Variants in EMC8 observed in about 807,000 individuals in gnomAD.
EMC8 encodes the protein ER membrane protein complex subunit 8.
A neutral mutation model predicts 24.3 loss-of-function variants in EMC8; 11 were observed. That is an observed-to-expected ratio of 0.45 (90% CI 0.28 to 0.75). The LOEUF is 0.75. Among genes scored for constraint, EMC8 ranks in the 30% least tolerant of loss-of-function variants. The pLI is 0.12. For synonymous variants in EMC8, 145 were observed against 117.7 expected (o/e 1.23, Z -1.50); for missense variants, 277 against 282.7 (o/e 0.98, Z 0.14).
intron 1 of EMC8, among the ~76,000 whole-genome samples, chr16:85,789,459 T>C (rs551569050): frequency 6.6e-6 from 1 of 152,272 alleles, no homozygotes; most frequent in Non-Finnish European, 1.5e-5. Context: ...CACAACCAGA[T>C]AGAAACAGAG....
At position 85,781,290 on chromosome 16, in the gene EMC8, A is replaced by T; in HGVS notation, c.309-10T>A. ...TGCAACCTGGTTTGGACTGTCAAAGAAATAGGCTACCACATTCCAGTTAAT... is the reference window on the plus strand; with the variant it reads ...TGCAACCTGGTTTGGACTGTCAAAGTAATAGGCTACCACATTCCAGTTAAT... On this transcript the variant is annotated splice_polypyrimidine_tract_variant and intron_variant, in intron 2 of 4. Transcript: ENST00000253457. 2.1e-6 allele frequency: 3 copies of T among 1,436,330 alleles called. No homozygotes were observed. Among genetic ancestry groups the T allele is most frequent in the Non-Finnish European group, 1.8e-6 (2 of 1,088,060 alleles). The allele number at this position is 1,436,330 out of a possible 1,614,324, so 89.0% of individuals were successfully genotyped here.
At chr16:85,786,108 G>A (rs1337819949) in intron 2 of EMC8, among the ~76,000 whole-genome samples, 1 of 152,118 alleles carries the variant, frequency 6.6e-6, no homozygotes, top group African/African-American at 2.4e-5. Context: ...CAAGCACAAG[G>A]ACAAACACAC....
At chr16:85,798,963 C>A in intron 1 of EMC8, 102 bp downstream of exon 1, 1 of 803,496 alleles carries the variant, frequency 1.2e-6, no homozygotes, top group East Asian at 2.7e-5. Flanking sequence ...GGGAGCGGGT[C>A]CTAGGAGCCT....
intron 3 of EMC8, 69 bp from the exon 4 acceptor site, chr16:85,780,542 CG>C: frequency 8.7e-7 from 1 of 1,153,928 alleles, no homozygotes; most frequent in Non-Finnish European, 1.3e-6. Flanking sequence ...GGCGCCTCCT[CG>C]GGGCTCTCCC....
At chr16:85,787,871 A>T (rs1055680338) in intron 2 of EMC8, among the ~76,000 whole-genome samples, 1 of 152,206 alleles carries the variant, frequency 6.6e-6, no homozygotes, top group Non-Finnish European at 1.5e-5. Flanking sequence ...TTAGGATACC[A>T]TGTTTCTCAT....
rs980136725 is a variant in EMC8, at chr16:85,779,113, C to T, written c.*595G>A. 3 of 152,324 alleles carry T rather than the reference C, an allele frequency of 2.0e-5. No homozygotes were observed. Among genetic ancestry groups the T allele is most frequent in the Non-Finnish European group, 2.9e-5 (2 of 68,158 alleles). 9.4% of individuals were successfully genotyped at this position (152,324 alleles called of 1,614,324 possible). On this transcript the variant is annotated 3_prime_UTR_variant, in exon 5 of 5. Coordinates refer to ENST00000253457, the MANE Select transcript of EMC8 (RefSeq NM_006067.5). ...TCTGTGGCATCAGTGGTGTCACTCCCGCTGGGCAGAGTTGCGGTGGCTCTG... is the reference window on the plus strand; with the variant it reads ...TCTGTGGCATCAGTGGTGTCACTCCTGCTGGGCAGAGTTGCGGTGGCTCTG...
At chr16:85,797,948 T>G (rs1490443971) in intron 1 of EMC8, among the ~76,000 whole-genome samples, 1 of 152,142 alleles carries the variant, frequency 6.6e-6, no homozygotes, top group Non-Finnish European at 1.5e-5. Flanking sequence ...CCTTCATTGA[T>G]CACCGGAACT....
intron 2 of EMC8, chr16:85,784,275 G>C (rs1004510017): frequency 1.3e-5 from 2 of 152,206 alleles, no homozygotes; most frequent in African/African-American, 4.8e-5. Context: ...TGGGAATATA[G>C]GCGTGAGCCA....
chr16:85,792,931 C>T (rs1905080130), intron 1 of EMC8: 1 of 152,200 alleles, frequency 6.6e-6, no homozygotes. Flanking sequence ...CAGGAGAAAA[C>T]TCTGTGGAGA....
chr16:85,785,078 C>G (rs142626066), intron 2 of EMC8: 2 of 152,424 alleles, frequency 1.3e-5, no homozygotes, highest in African/African-American at 2.4e-5. Context: ...TCCCTTGTAG[C>G]TGGGACCACA....
chr16:85,780,851 G>A, intron 3 of EMC8: 1 of 439,226 alleles, frequency 2.3e-6, no homozygotes, highest in Non-Finnish European at 4.2e-6. Context: ...CTCACACTTG[G>A]CATGTTCAGA....
intron 2 of EMC8, among the ~76,000 whole-genome samples, chr16:85,785,374 A>C (rs571676313): frequency 3.9e-5 from 6 of 152,280 alleles, no homozygotes; most frequent in Admixed American, 1.3e-4. Context: ...GTTCGAGACC[A>C]GCCTGGCCAA....
At chr16:85,797,395 C>T (rs112787548) in intron 1 of EMC8, among the ~76,000 whole-genome samples, 1 of 151,946 alleles carries the variant, frequency 6.6e-6, no homozygotes, top group East Asian at 1.9e-4. Context: ...GTGACAAGAG[C>T]GAAACTCCAT....
At chr16:85,793,878 A>G (rs1267746893) in intron 1 of EMC8, among the ~76,000 whole-genome samples, 1 of 152,244 alleles carries the variant, frequency 6.6e-6, no homozygotes, top group African/African-American at 2.4e-5. Context: ...AAAGGGTTAT[A>G]AGGATAAATA....
intron 2 of EMC8, among the ~76,000 whole-genome samples, chr16:85,788,445 G>A (rs1375266059): frequency 1.3e-5 from 2 of 152,264 alleles, no homozygotes; most frequent in African/African-American, 4.8e-5. Context: ...GGACCAAGAT[G>A]ACGCAGACAT....
chr16:85,784,236 G>C (rs1904645946), intron 2 of EMC8: 1 of 152,236 alleles, frequency 6.6e-6, no homozygotes, highest in South Asian at 2.1e-4. Flanking sequence ...CTGACCTCGT[G>C]ATCTGCCCGC....
intron 1 of EMC8, among the ~76,000 whole-genome samples, chr16:85,792,026 T>G (rs879434431): frequency 3.9e-5 from 6 of 152,222 alleles, no homozygotes; most frequent in African/African-American, 1.4e-4. Context: ...TTTACTTAGC[T>G]ACAGGCAACT....
chr16:85,783,080 AC>A (rs1904585148), intron 2 of EMC8, among the ~76,000 whole-genome samples: 1 of 152,146 alleles, frequency 6.6e-6, no homozygotes, highest in East Asian at 1.9e-4. Flanking sequence ...CAGGTGGATC[AC>A]CTGATGAGGT....
At chr16:85,780,348 C>G in intron 4 of EMC8, 31 bp downstream of exon 4, 7 of 1,572,760 alleles carry the variant, frequency 4.5e-6, no homozygotes, top group Non-Finnish European at 6.1e-6. Flanking sequence ...TGAAGGAGCC[C>G]AGCCCGCGCG....
Sources: gnomAD v4.1 joint callset for allele counts (sites outside exome capture counted in the v4.1 genomes callset) on GRCh38, gnomAD v4.1.1 for gene constraint, MANE v1.5 for transcripts, NCBI Gene and HGNC (gene_info 2026-07-23, HGNC 2026-07-21) for gene names.